Variants in LHX4 observed in about 807,000 individuals in gnomAD.
The protein encoded by LHX4 is LIM/homeobox protein Lhx4.
Under a neutral mutation model 39.2 loss-of-function variants are expected in LHX4, and 16 were observed. That is an observed-to-expected ratio of 0.41 (90% CI 0.28 to 0.62). The LOEUF is 0.62. Among genes scored for constraint, LHX4 ranks in the 20% least tolerant of loss-of-function variants. The probability of loss-of-function intolerance (pLI) is 0.33; values close to 1 mark genes in which losing one functional copy is unlikely to be tolerated. For missense variants in LHX4, 439 were observed against 511.9 expected (o/e 0.86, Z 1.37); for synonymous variants, 206 against 198.1 (o/e 1.04, Z -0.33).
At chr1:180,254,163 A>G (rs1407029017) in intron 2 of LHX4, among the ~76,000 whole-genome samples, 1 of 152,046 alleles carries the variant, frequency 6.6e-6, no homozygotes, top group Non-Finnish European at 1.5e-5. Flanking sequence ...GGGGGCGTGG[A>G]GTGACTCTCG....
At position 180,274,293 on chromosome 1, in the gene LHX4, G is replaced by A; in HGVS notation, c.887G>A (p.Gly296Glu). Residue 296 changes from glycine to glutamate, a missense_variant, in exon 6 of 6, where the codon GGA becomes GAA. By Grantham distance (98) the Gly-to-Glu change is moderately conservative. Transcript: ENST00000263726. ...MNGSFSMDGT[G>E]QSYQDLRDGS... ...GGGAGCTTCTCCATGGACGGGACAGGACAATCCTATCAGGACTTGAGGGAT... is the reference window on the plus strand; with the variant it reads ...GGGAGCTTCTCCATGGACGGGACAGAACAATCCTATCAGGACTTGAGGGAT... 6.2e-7 allele frequency: 1 copy of A among 1,614,200 alleles called. No individual in the cohort carries two copies. The highest frequency in any genetic ancestry group is 8.5e-7 in the Non-Finnish European group (1 of 1,180,034).
In LHX4 at chr1:180,277,334, A is replaced by G. The variant is rs1649095924; in HGVS notation, c.*2755A>G. 6.6e-6 allele frequency: 1 copy of G among 152,174 alleles called. No homozygotes were observed. The highest frequency in any genetic ancestry group is 1.5e-5 in the Non-Finnish European group (1 of 68,030). 9.4% of individuals were successfully genotyped at this position (152,174 alleles called of 1,614,324 possible). ...CTCCTCTGTTGCTTGGAAGTCTATT[A>G]TGGGGTATAAGGTGCTACATGGTAG... On this transcript the variant is annotated 3_prime_UTR_variant, in exon 6 of 6. Coordinates refer to ENST00000263726, the MANE Select transcript of LHX4 (RefSeq NM_033343.4).
At chr1:180,261,906 C>T (rs544481127) in intron 2 of LHX4, among the ~76,000 whole-genome samples, 9 of 152,302 alleles carry the variant, frequency 5.9e-5, no homozygotes, top group Admixed American at 4.6e-4. Flanking sequence ...AGAAAACAAT[C>T]CCAGGAATTA....
intron 1 of LHX4, among the ~76,000 whole-genome samples, chr1:180,238,901 C>T (rs372615285): frequency 9.2e-5 from 14 of 152,162 alleles, no homozygotes; most frequent in African/African-American, 3.4e-4. Context: ...GTTTTCCCTG[C>T]GTGGGGACTG....
intron 2 of LHX4, among the ~76,000 whole-genome samples, chr1:180,262,068 C>A (rs1359874172): frequency 6.6e-6 from 1 of 152,156 alleles, no homozygotes; most frequent in Non-Finnish European, 1.5e-5. Flanking sequence ...AAGGCTGAGG[C>A]TTGGCCATCT....
chr1:180,257,584 T>G (rs1047184103), intron 2 of LHX4, among the ~76,000 whole-genome samples: 1 of 152,202 alleles, frequency 6.6e-6, no homozygotes, highest in Non-Finnish European at 1.5e-5. Context: ...TGATATATGT[T>G]GGAAATATTG....
At chr1:180,258,333 A>G (rs1647956673) in intron 2 of LHX4, among the ~76,000 whole-genome samples, 1 of 152,126 alleles carries the variant, frequency 6.6e-6, no homozygotes, top group African/African-American at 2.4e-5. Context: ...GGGCCCCAGG[A>G]GGAGGCGGAG....
chr1:180,234,064 A>C lies in LHX4; in HGVS notation c.76+3459A>C, dbSNP rs890521572. On this transcript the variant is annotated intron_variant, in intron 1 of 5. Coordinates refer to ENST00000263726, the MANE Select transcript of LHX4 (RefSeq NM_033343.4). The surrounding 1 kb of genome is among the most constrained non-coding windows in gnomAD (Gnocchi z 4.8). ...TTTCTTAAGGGGGTGAGATGGATTC[A>C]CTGTCCAAGACAGGAGTTCACTCAA... 6.7e-6 allele frequency among the ~76,000 whole-genome samples: 1 copy of C among 149,144 alleles called. No individual in the cohort carries two copies. The highest frequency in any genetic ancestry group is 1.5e-5 in the Non-Finnish European group (1 of 67,308).
chr1:180,272,023 G>A lies in LHX4; in HGVS notation c.778+17G>A. ...GCTTCCGAGGTGAGCAGGGCTGGAG[G>A]GGCCAGGCCGAGGCCTTAGGAAAGT... On this transcript the variant is annotated intron_variant, in intron 5 of 5. Transcript: ENST00000263726. The A allele has an allele frequency of 3.1e-6, 5 of 1,606,656 alleles. No individual in the cohort carries two copies. The highest frequency in any genetic ancestry group is 4.2e-6 in the Non-Finnish European group (5 of 1,176,896).
chr1:180,231,321 G>A (rs1664172649), intron 1 of LHX4, among the ~76,000 whole-genome samples: 2 of 151,952 alleles, frequency 1.3e-5, no homozygotes, highest in South Asian at 4.1e-4. Flanking sequence ...GTTTGGAGGG[G>A]TAGAGACGGG....
intron 1 of LHX4, among the ~76,000 whole-genome samples, chr1:180,238,486 G>A (rs1325413782): frequency 6.6e-6 from 1 of 152,180 alleles, no homozygotes; most frequent in African/African-American, 2.4e-5. Flanking sequence ...TATGATGATA[G>A]AGAATATGAT....
chr1:180,242,165 G>A (rs1160728179), intron 1 of LHX4, among the ~76,000 whole-genome samples: 1 of 152,110 alleles, frequency 6.6e-6, no homozygotes, highest in Non-Finnish European at 1.5e-5. Flanking sequence ...ATTCGGCTAA[G>A]CCTTCCTTTC....
At chr1:180,244,618 T>C (rs1647315716) in intron 1 of LHX4, among the ~76,000 whole-genome samples, 1 of 152,162 alleles carries the variant, frequency 6.6e-6, no homozygotes, top group Admixed American at 6.5e-5. Context: ...CTCACCCTCA[T>C]CCCATGTATT....
intron 2 of LHX4, among the ~76,000 whole-genome samples, chr1:180,256,229 C>A (rs966944578): frequency 6.6e-6 from 1 of 152,260 alleles, no homozygotes; most frequent in Non-Finnish European, 1.5e-5. Context: ...GCTCTTCCCT[C>A]CGCCCATCTG....
rs1207484271 is a variant in LHX4 at position 180,274,804 on chromosome 1, G to T, written c.*225G>T. 26 of 543,386 alleles carry T rather than the reference G, an allele frequency of 4.8e-5. 1 individual carries two copies. Among genetic ancestry groups the T allele is most frequent in the Non-Finnish European group, 7.4e-5 (23 of 310,290 alleles). 33.7% of individuals were successfully genotyped at this position (543,386 alleles called of 1,614,324 possible). A position where few individuals can be genotyped will look rare whatever the true frequency, so the allele number is the denominator to read the frequency against. On this transcript the variant is annotated 3_prime_UTR_variant, in exon 6 of 6. Transcript: ENST00000263726. ...CTCATCTCAGAACACAGCACAGGGG[G>T]TAATGGCCTAGAGCTCTAGGGACAC...
rs1648969829 is a variant in LHX4, at chr1:180,275,481, C to G, written c.*902C>G. On this transcript the variant is annotated 3_prime_UTR_variant, in exon 6 of 6. Transcript: ENST00000263726. The stretch of plus-strand genomic sequence containing the variant: ...TTGTAGACACATTTGGATTCCAAAC[C>G]TGCAGTCTGTTCAGCCATATCGGCT... The G allele has an allele frequency of 6.6e-6, 1 of 152,244 alleles. No individual in the cohort carries two copies. Among genetic ancestry groups the G allele is most frequent in the Non-Finnish European group, 1.5e-5 (1 of 68,046 alleles). 9.4% of individuals were successfully genotyped at this position (152,244 alleles called of 1,614,324 possible). A position where few individuals can be genotyped will look rare whatever the true frequency, so the allele number is the denominator to read the frequency against.
At chr1:180,273,846 G>C (rs1429061987) in intron 5 of LHX4, 1 of 330,538 alleles carries the variant, frequency 3.0e-6, no homozygotes, top group Admixed American at 4.5e-5. Context: ...TTGTGATGTG[G>C]AGACATCTGA....
chr1:180,247,411 G>A (rs1335980736), intron 1 of LHX4, among the ~76,000 whole-genome samples: 1 of 152,140 alleles, frequency 6.6e-6, no homozygotes, highest in Admixed American at 6.5e-5. Flanking sequence ...ATAACTCTCA[G>A]CCCCCAGAAT....
chr1:180,264,672 G>A (rs1045693323), intron 2 of LHX4, among the ~76,000 whole-genome samples: 1 of 152,164 alleles, frequency 6.6e-6, no homozygotes, highest in Non-Finnish European at 1.5e-5. Flanking sequence ...AGAATCTGAT[G>A]AAAACCCAGG....
Sources: allele counts gnomAD v4.1 joint callset (sites outside exome capture counted in the v4.1 genomes callset), GRCh38; gene constraint gnomAD v4.1.1; non-coding constraint Gnocchi (gnomAD v3.1); transcripts MANE v1.5; gene names NCBI Gene and HGNC (gene_info 2026-07-23, HGNC 2026-07-21).